Variants in SNIP1 observed in about 807,000 individuals in gnomAD.
The protein encoded by SNIP1 is smad nuclear-interacting protein 1.
A neutral mutation model predicts 37.4 loss-of-function variants in SNIP1; 23 were observed. That is an observed-to-expected ratio of 0.61 (90% confidence interval 0.44 to 0.87). SNIP1 has a LOEUF of 0.87. Ranked by LOEUF, SNIP1 falls within the 40% of genes least tolerant of loss-of-function variation. The pLI is 0.00. For synonymous variants in SNIP1, 174 were observed against 200.0 expected (o/e 0.87, Z 1.10); for missense variants, 459 against 540.4 (o/e 0.85, Z 1.49).
chr1:37,554,207 C>A lies in SNIP1; in HGVS notation c.23G>T (p.Arg8Leu), dbSNP rs771792939. The A allele has an allele frequency of 4.4e-6, 7 of 1,607,302 alleles. No homozygotes were observed. In the African/African-American group the frequency reaches 9.4e-5, roughly 21 times the overall value. MKAVKSE[R>L]ERGSRRRHRD... ...GTGTCTTCGCCGGCTCCCTCGCTCC[C>A]GTTCGCTCTTCACCGCCTTCATTCT... The change falls in exon 1 of 4, where the codon CGG (arginine) becomes CTG (leucine). Residue 8 changes from arginine to leucine, a missense_variant. Transcript: ENST00000296215.
chr1:37,553,094 T>A (rs1643321573), intron 1 of SNIP1, among the ~76,000 whole-genome samples: 1 of 152,150 alleles, frequency 6.6e-6, no homozygotes, highest in Non-Finnish European at 1.5e-5. Flanking sequence ...ACCCCTACCA[T>A]CAATAACAAT....
chr1:37,539,937 A>T (rs1334212051), intron 3 of SNIP1, among the ~76,000 whole-genome samples: 1 of 152,200 alleles, frequency 6.6e-6, no homozygotes, highest in Admixed American at 6.5e-5. Flanking sequence ...TGGGTGACAG[A>T]GTGAGACCTT....
intron 2 of SNIP1, among the ~76,000 whole-genome samples, chr1:37,549,994 T>C (rs1239001401): frequency 6.6e-6 from 1 of 152,122 alleles, no homozygotes; most frequent in Non-Finnish European, 1.5e-5. Flanking sequence ...GGAGGAAAGA[T>C]GGTCTTTTCA....
At chr1:37,553,863 C>G in intron 1 of SNIP1, 143 bp downstream of exon 1, 1 of 819,882 alleles carries the variant, frequency 1.2e-6, no homozygotes. Context: ...AACACAAGCA[C>G]GACTGGATCA....
Position 37,535,230 on chromosome 1 carries a change from T to TA in SNIP1, c.*2517_*2518insT. 5.8e-5 allele frequency: 1 copy of TA among 17,302 alleles called. No individual in the cohort carries two copies. Among genetic ancestry groups the TA allele is most frequent in the South Asian group, 1.5e-3 (1 of 676 alleles). 1.1% of individuals were successfully genotyped at this position (17,302 alleles called of 1,614,324 possible). A position where few individuals can be genotyped will look rare whatever the true frequency, so the allele number is the denominator to read the frequency against. Reference sequence around the variant, plus strand: ...ACTAAAAAAAAATAAAAAATAAAAATTATATATATAAATTAGCCAGGCTTG... The same window carrying TA: ...ACTAAAAAAAAATAAAAAATAAAAATATATATATATAAATTAGCCAGGCTTG... On this transcript the variant is annotated 3_prime_UTR_variant, in exon 4 of 4. Transcript: ENST00000296215.
chr1:37,548,180 T>C (rs1056573695), intron 2 of SNIP1, among the ~76,000 whole-genome samples: 1 of 145,228 alleles, frequency 6.9e-6, no homozygotes, highest in African/African-American at 2.6e-5. Flanking sequence ...AAAAAAGATA[T>C]CTTAGGATGC....
intron 2 of SNIP1, among the ~76,000 whole-genome samples, chr1:37,542,171 A>G (rs1373284104): frequency 6.6e-6 from 1 of 152,194 alleles, no homozygotes; most frequent in Non-Finnish European, 1.5e-5. Context: ...AGCACTGCAA[A>G]CTGCAACAGT....
chr1:37,553,911 C>T, intron 1 of SNIP1, 95 bp downstream of exon 1: 4 of 1,273,106 alleles, frequency 3.1e-6, no homozygotes, highest in Non-Finnish European at 3.3e-6. Flanking sequence ...CGGGCTGCTG[C>T]GCCCACCATT....
Position 37,537,485 on chromosome 1 carries a change from CGGTGTGTTGTAATT to C in SNIP1, c.*249_*262del. ...AAACCACAACACTTCTACTAAAACA[CGGTGTGTTGTAATT>C]GGTGAGACTGTTCTGAAAACAAATG... On this transcript the variant is annotated 3_prime_UTR_variant, in exon 4 of 4. Coordinates refer to ENST00000296215, the MANE Select transcript of SNIP1 (RefSeq NM_024700.4). 1 of 426,796 alleles carries C rather than the reference CGGTGTGTTGTAATT, an allele frequency of 2.3e-6. No individual in the cohort carries two copies. The highest frequency in any genetic ancestry group is 4.5e-5 in the South Asian group (1 of 22,272). 26.4% of individuals were successfully genotyped at this position (426,796 alleles called of 1,614,324 possible).
intron 2 of SNIP1, among the ~76,000 whole-genome samples, chr1:37,545,845 G>A (rs996442643): frequency 1.3e-5 from 2 of 151,956 alleles, no homozygotes; most frequent in African/African-American, 4.8e-5. Flanking sequence ...AAATTTAGGT[G>A]ACTCCACACC....
At chr1:37,547,736 AAAC>A (rs1014340149) in intron 2 of SNIP1, among the ~76,000 whole-genome samples, 3 of 151,600 alleles carry the variant, frequency 2.0e-5, no homozygotes, top group African/African-American at 7.3e-5. Flanking sequence ...TTCACCAAAC[AAAC>A]AACAACAACA....
chr1:37,541,118 A>G (rs1337994899), intron 2 of SNIP1: 1 of 177,220 alleles, frequency 5.6e-6, no homozygotes, highest in African/African-American at 2.4e-5. Context: ...TAGAACTAAG[A>G]GTTAAGTAGT....
At chr1:37,545,460 C>T (rs1330333884) in intron 2 of SNIP1, among the ~76,000 whole-genome samples, 1 of 148,808 alleles carries the variant, frequency 6.7e-6, no homozygotes, top group Admixed American at 6.7e-5. Context: ...TTGGTACCCC[C>T]CGCCCCCACC....
At position 37,553,951 on chromosome 1, in the gene SNIP1, C is replaced by G. The variant is rs986496416; in HGVS notation, c.224+55G>C. On this transcript the variant is annotated intron_variant, in intron 1 of 3. Transcript: ENST00000296215. ...ACCTGTTTCGGACGCTAGCCCTGCC[C>G]GCCTTTCTGAATGAGCCCAACCCAA... 3 of 1,530,058 alleles carry G rather than the reference C, an allele frequency of 2.0e-6. No individual in the cohort carries two copies. In the South Asian group the frequency reaches 3.6e-5, roughly 18 times the overall value. 94.8% of individuals were successfully genotyped at this position (1,530,058 alleles called of 1,614,324 possible).
chr1:37,552,752 T>G lies in SNIP1; in HGVS notation c.225-5A>C. On this transcript the variant is annotated splice_region_variant and splice_polypyrimidine_tract_variant and intron_variant, in intron 1 of 3. Transcript: ENST00000296215. ...TTTTTCTTTTTGGGTGGGGACCTAT[T>G]CAGAGCATGGTACACAGGATTTTAT... is the stretch of plus-strand genomic sequence containing the variant. The G allele has an allele frequency of 6.2e-7, 1 of 1,611,658 alleles. No individual in the cohort carries two copies. Among genetic ancestry groups the G allele is most frequent in the Non-Finnish European group, 8.5e-7 (1 of 1,177,716 alleles).
At chr1:37,553,808 T>C (rs1421404277) in intron 1 of SNIP1, among the ~76,000 whole-genome samples, 198 bp downstream of exon 1, 1 of 152,170 alleles carries the variant, frequency 6.6e-6, no homozygotes, top group East Asian at 1.9e-4. Flanking sequence ...GGTTAGTCAT[T>C]AGGCGTTGAA....
At chr1:37,539,568 G>C (rs1643144658) in intron 3 of SNIP1, among the ~76,000 whole-genome samples, 1 of 152,088 alleles carries the variant, frequency 6.6e-6, no homozygotes, top group Admixed American at 6.5e-5. Flanking sequence ...AAATTAGCTG[G>C]GTGTGCTGGT....
chr1:37,545,358 G>GC (rs1643220871), intron 2 of SNIP1: 5 of 535,568 alleles, frequency 9.3e-6, no homozygotes, highest in Non-Finnish European at 1.8e-5. Context: ...CCAAGGCAGT[G>GC]CATGCATGTT....
chr1:37,545,150 C>CGAA (rs1643218381), intron 2 of SNIP1: 1 of 725,316 alleles, frequency 1.4e-6, no homozygotes, highest in Admixed American at 1.7e-5. Flanking sequence ...TGTGACTTCA[C>CGAA]TGAAACACAT....
Sources: allele counts gnomAD v4.1 joint callset (sites outside exome capture counted in the v4.1 genomes callset), GRCh38; gene constraint gnomAD v4.1.1; transcripts MANE v1.5; gene names NCBI Gene and HGNC (gene_info 2026-07-23, HGNC 2026-07-21).